Variants in HNRNPC observed in about 807,000 individuals in gnomAD.
HNRNPC encodes the protein heterogeneous nuclear ribonucleoproteins C1/C2.
In HNRNPC, 3 loss-of-function variants were observed where a neutral mutation model predicts 33.2. The ratio of observed to expected loss-of-function variants is 0.09; its 90% CI spans 0.04 to 0.23. The LOEUF is 0.23. Ranked by LOEUF, HNRNPC falls within the 10% of genes least tolerant of loss-of-function variation. The probability of loss-of-function intolerance (pLI) is 1.00; values close to 1 mark genes in which losing one functional copy is unlikely to be tolerated. For missense variants in HNRNPC, 143 were observed against 366.7 expected, an observed-to-expected ratio of 0.39 and a Z score of 4.98; for synonymous variants, 121 against 126.7, an observed-to-expected ratio of 0.96 and a Z score of 0.30.
chr14:21,244,305 T>A (rs1895699224), intron 2 of HNRNPC, among the ~76,000 whole-genome samples: 1 of 152,244 alleles, frequency 6.6e-6, no homozygotes, highest in East Asian at 1.9e-4. Flanking sequence ...TGCCCGCAAG[T>A]TCTCTCTATA....
At chr14:21,244,099 G>T (rs552595667) in intron 2 of HNRNPC, among the ~76,000 whole-genome samples, 14 of 150,728 alleles carry the variant, frequency 9.3e-5, no homozygotes, top group African/African-American at 3.2e-4. Context: ...TGCGATCTTC[G>T]ATCACTGCAA....
chr14:21,242,500 A>T (rs2139722276), intron 2 of HNRNPC, among the ~76,000 whole-genome samples: 1 of 152,326 alleles, frequency 6.6e-6, no homozygotes, highest in South Asian at 2.1e-4. Flanking sequence ...ATGTTAAGAC[A>T]CATTATTTAA....
chr14:21,215,898 TAAAAA>T (rs3064165), intron 5 of HNRNPC, among the ~76,000 whole-genome samples: 3 of 98,582 alleles, frequency 3.0e-5, no homozygotes, highest in East Asian at 2.6e-4. Flanking sequence ...GACTCCGTCT[TAAAAA>T]AAAAAAAAAG....
chr14:21,249,593 C>CAAAAAAAA (rs756880620), intron 2 of HNRNPC, among the ~76,000 whole-genome samples: 303 of 82,450 alleles, frequency 3.7e-3, no homozygotes, highest in African/African-American at 4.9e-3. Flanking sequence ...GTCTCAAAAA[C>CAAAAAAAA]AAAAAAAAAA....
At chr14:21,221,853 C>T (rs1892855857) in intron 5 of HNRNPC, among the ~76,000 whole-genome samples, 1 of 151,886 alleles carries the variant, frequency 6.6e-6, no homozygotes, top group Non-Finnish European at 1.5e-5. Flanking sequence ...CAAGACCATC[C>T]TGGCAAACAT....
intron 2 of HNRNPC, among the ~76,000 whole-genome samples, chr14:21,257,009 C>G (rs1319046787): frequency 6.6e-6 from 1 of 152,068 alleles, no homozygotes; most frequent in Non-Finnish European, 1.5e-5. Context: ...GGATGGCTAG[C>G]CAAAATCTTT....
At chr14:21,267,050 C>A (rs1594349887) in intron 1 of HNRNPC, among the ~76,000 whole-genome samples, 1 of 137,866 alleles carries the variant, frequency 7.3e-6, no homozygotes, top group Admixed American at 8.0e-5. Flanking sequence ...GAGATTGTGC[C>A]ACGACATGCA....
intron 2 of HNRNPC, among the ~76,000 whole-genome samples, chr14:21,235,392 G>A (rs1159834643): frequency 6.6e-6 from 1 of 152,024 alleles, no homozygotes. Flanking sequence ...ATACATATAT[G>A]TACATAAAAA....
intron 2 of HNRNPC, among the ~76,000 whole-genome samples, chr14:21,239,078 C>T (rs1450113073): frequency 4.0e-5 from 6 of 151,270 alleles, no homozygotes; most frequent in Non-Finnish European, 1.5e-5. Context: ...GAGCCGAGAT[C>T]GTGCTAATGC....
At chr14:21,229,079 C>T (rs1320347472) in intron 5 of HNRNPC, among the ~76,000 whole-genome samples, 2 of 137,398 alleles carry the variant, frequency 1.5e-5, no homozygotes, top group East Asian at 4.3e-4. Context: ...AGGAAAATTC[C>T]GTATTTAAAA....
At chr14:21,247,790 C>T (rs1447092800) in intron 2 of HNRNPC, among the ~76,000 whole-genome samples, 2 of 146,428 alleles carry the variant, frequency 1.4e-5, no homozygotes, top group African/African-American at 5.1e-5. Context: ...TCTCTACTAA[C>T]ATGGTGAAAC....
At chr14:21,228,290 C>A (rs1216591152) in intron 5 of HNRNPC, among the ~76,000 whole-genome samples, 1 of 152,204 alleles carries the variant, frequency 6.6e-6, no homozygotes, top group Non-Finnish European at 1.5e-5. Context: ...TTACCAAGGT[C>A]TGATTGCAAA....
At chr14:21,239,427 G>A (rs939786719) in intron 2 of HNRNPC, among the ~76,000 whole-genome samples, 5 of 151,960 alleles carry the variant, frequency 3.3e-5, no homozygotes, top group Admixed American at 6.6e-5. Flanking sequence ...TGCAGTCAGC[G>A]GAGATAGCGC....
At chr14:21,213,223 CCTTTT>C (rs1297817997) in intron 5 of HNRNPC, 106 bp from the exon 6 acceptor site, 2 of 1,176,758 alleles carry the variant, frequency 1.7e-6, no homozygotes, top group African/African-American at 3.1e-5. Flanking sequence ...CTAGTCGTTT[CCTTTT>C]ATTAAATTTC....
chr14:21,247,111 TTG>T (rs1896065075), intron 2 of HNRNPC, among the ~76,000 whole-genome samples: 1 of 152,196 alleles, frequency 6.6e-6, no homozygotes, highest in African/African-American at 2.4e-5. Context: ...TTAATACCCC[TTG>T]TGTTAAGGGT....
chr14:21,266,642 A>G (rs1190955459), intron 1 of HNRNPC, among the ~76,000 whole-genome samples: 2 of 149,678 alleles, frequency 1.3e-5, no homozygotes, highest in Non-Finnish European at 3.0e-5. Context: ...ATCCTCTAGT[A>G]AATCTAGTAT....
intron 2 of HNRNPC, among the ~76,000 whole-genome samples, chr14:21,252,718 G>A (rs995265517): frequency 6.6e-6 from 1 of 152,294 alleles, no homozygotes; most frequent in South Asian, 2.1e-4. Context: ...AATATCTACA[G>A]ATGAAATGTA....
intron 2 of HNRNPC, among the ~76,000 whole-genome samples, chr14:21,252,369 G>A (rs1896768667): frequency 1.3e-5 from 2 of 152,118 alleles, no homozygotes; most frequent in Non-Finnish European, 2.9e-5. Context: ...GGAGTGCAGT[G>A]GCAGTATCTT....
intron 2 of HNRNPC, among the ~76,000 whole-genome samples, chr14:21,246,650 T>G (rs1451053484): frequency 2.0e-5 from 3 of 152,162 alleles, no homozygotes; most frequent in African/African-American, 7.2e-5. Context: ...TTGAGTTCCC[T>G]TGGAAAAGAA....
Sources: gnomAD v4.1 joint callset for allele counts (sites outside exome capture counted in the v4.1 genomes callset) on GRCh38, gnomAD v4.1.1 for gene constraint, MANE v1.5 for transcripts, NCBI Gene and HGNC (gene_info 2026-07-23, HGNC 2026-07-21) for gene names.